The following ACSM6 variants were observed in gnomAD, a reference collection of about 807,000 sequenced individuals.
ACSM6 encodes acyl-CoA synthetase medium chain family member 6.
A neutral mutation model predicts 51.1 loss-of-function variants in ACSM6; 35 were observed. The observed-to-expected ratio is 0.69, with a 90% CI of 0.52 to 0.91. The LOEUF (loss-of-function observed/expected upper bound fraction) is 0.91, where lower values mean the gene tolerates loss of function less well. Among genes scored for constraint, ACSM6 ranks in the 40% least tolerant of loss-of-function variants. ACSM6 has a pLI of 0.00. For missense variants in ACSM6, 509 were observed against 584.1 expected, an observed-to-expected ratio of 0.87 and a Z score of 1.32; for synonymous variants, 172 against 207.3, an observed-to-expected ratio of 0.83 and a Z score of 1.46.
At chr10:95,226,867 C>A (rs1282926675) in intron 10 of ACSM6, among the ~76,000 whole-genome samples, 1 of 151,808 alleles carries the variant, frequency 6.6e-6, no homozygotes, top group African/African-American at 2.4e-5. Context: ...GTGTATATAT[C>A]CTTCATTCTT....
intron 10 of ACSM6, 193 bp from the exon 11 acceptor site, chr10:95,228,451 C>A: frequency 4.0e-6 from 2 of 494,432 alleles, no homozygotes; most frequent in Non-Finnish European, 6.8e-6. Flanking sequence ...AAAAAAAAAG[C>A]TGAAGTTAAG....
In ACSM6 at chr10:95,201,953, A is replaced by T. The variant is rs1021004272; in HGVS notation, c.193-32A>T. 7.2e-6 allele frequency: 11 copies of T among 1,532,450 alleles called. No individual in the cohort carries two copies. The Admixed American group carries it at 2.2e-4, about 30-fold the overall frequency. The allele number at this position is 1,532,450 out of a possible 1,614,324, so 94.9% of individuals were successfully genotyped here. A position where few individuals can be genotyped will look rare whatever the true frequency, so the allele number is the denominator to read the frequency against. Reference sequence around the variant, plus strand: ...CCCATAGCCAATGTCCATGCTGACTAATATTCATATTTTAAACATCACCCT... The same window carrying T: ...CCCATAGCCAATGTCCATGCTGACTTATATTCATATTTTAAACATCACCCT... On this transcript the variant is annotated intron_variant, in intron 2 of 10. Coordinates refer to ENST00000341686, the Ensembl canonical transcript of ACSM6.
rs1377115196 is a variant in ACSM6 at position 95,210,217 on chromosome 10, T to C, written c.612-433T>C. Among the ~76,000 whole-genome samples, 9 of 152,324 alleles carry C rather than the reference T, an allele frequency of 5.9e-5. No homozygotes were observed. In the East Asian group the frequency reaches 1.5e-3, roughly 26 times the overall value. On this transcript the variant is annotated intron_variant, in intron 4 of 10. Transcript: ENST00000341686. ...GGCAAATGTTTCACTCACTCCACCT[T>C]AGTCCCATCCCTGGTTAGGAATAGT...
intron 2 of ACSM6, chr10:95,201,388 A>G: frequency 2.3e-6 from 1 of 433,456 alleles, no homozygotes; most frequent in Admixed American, 2.4e-5. Flanking sequence ...ACTCCCACTT[A>G]TAAGTGAAAA....
intron 3 of ACSM6, among the ~76,000 whole-genome samples, 195 bp from the exon 4 acceptor site, chr10:95,207,013 G>A (rs2034844234): frequency 6.6e-6 from 1 of 152,182 alleles, no homozygotes; most frequent in South Asian, 2.1e-4. Flanking sequence ...CAGATCACTG[G>A]ATTGTTTCAG....
chr10:95,210,290 C>G (rs2034881599), intron 4 of ACSM6, among the ~76,000 whole-genome samples: 1 of 152,068 alleles, frequency 6.6e-6, no homozygotes, highest in Non-Finnish European at 1.5e-5. Flanking sequence ...GTTGTCAGGG[C>G]TTGGCAATGG....
intron 3 of ACSM6, among the ~76,000 whole-genome samples, chr10:95,203,638 C>T (rs1008409841): frequency 6.6e-6 from 1 of 152,072 alleles, no homozygotes; most frequent in Non-Finnish European, 1.5e-5. Flanking sequence ...AGCCCCTTCA[C>T]ATGTGAGAAG....
intron 2 of ACSM6, among the ~76,000 whole-genome samples, chr10:95,197,284 T>C (rs1389659494): frequency 6.6e-6 from 1 of 152,130 alleles, no homozygotes; most frequent in Non-Finnish European, 1.5e-5. Flanking sequence ...AGAGACAAAG[T>C]ATAGAGAAAC....
chr10:95,213,088 T>G, intron 7 of ACSM6, 148 bp downstream of exon 7: 1 of 570,156 alleles, frequency 1.8e-6, no homozygotes, highest in Non-Finnish European at 3.1e-6. Flanking sequence ...ACTCCATTAG[T>G]GTGTGTGATT....
At chr10:95,194,768 C>A in intron 2 of ACSM6, 91 bp downstream of exon 2, 1 of 1,195,748 alleles carries the variant, frequency 8.4e-7, no homozygotes, top group Non-Finnish European at 1.2e-6. Flanking sequence ...CCATCTATGG[C>A]TGGCACTAGA....
At chr10:95,202,266 G>A (rs2034802325) in intron 3 of ACSM6, 71 bp downstream of exon 3, 2 of 1,304,086 alleles carry the variant, frequency 1.5e-6, no homozygotes, top group Non-Finnish European at 2.2e-6. Flanking sequence ...TTCACAGAAT[G>A]GAGATGTTAG....
chr10:95,200,259 ACAC>A (rs1326984678), intron 2 of ACSM6, among the ~76,000 whole-genome samples: 3 of 149,718 alleles, frequency 2.0e-5, no homozygotes, highest in African/African-American at 7.4e-5. Context: ...AAAAAACCAA[ACAC>A]CACATGTTCT....
chr10:95,201,841 T>C (rs961956658), intron 2 of ACSM6, 144 bp from the exon 3 acceptor site: 2 of 665,198 alleles, frequency 3.0e-6, no homozygotes, highest in Non-Finnish European at 5.2e-6. Flanking sequence ...TCTGTGCCAG[T>C]TGAGAAACAG....
chr10:95,225,368 G>C, exon 10 of ACSM6: 3 of 1,551,110 alleles, frequency 1.9e-6, no homozygotes, highest in Non-Finnish European at 2.6e-6. Flanking sequence ...AAACCAACCT[G>C]CTTCTCTGTA....
At chr10:95,219,386 AAAAC>A (rs2133389486) in intron 8 of ACSM6, among the ~76,000 whole-genome samples, 1 of 152,308 alleles carries the variant, frequency 6.6e-6, no homozygotes, top group African/African-American at 2.4e-5. Context: ...AAGGCACTAA[AAAAC>A]AAACATATTC....
At chr10:95,200,628 A>AGAAGAC in intron 2 of ACSM6, among the ~76,000 whole-genome samples, 1 of 151,830 alleles carries the variant, frequency 6.6e-6, no homozygotes, top group South Asian at 2.1e-4. Flanking sequence ...AAGAAGAAGA[A>AGAAGAC]GACTCTAAAC....
chr10:95,220,990 C>A (rs143391177), intron 9 of ACSM6, among the ~76,000 whole-genome samples: 159 of 151,438 alleles, frequency 1.0e-3, no homozygotes, highest in Non-Finnish European at 2.1e-3. Context: ...TTTGTTTGGG[C>A]CTTTGCATTT....
At chr10:95,216,925 T>C (rs1230732344) in intron 8 of ACSM6, among the ~76,000 whole-genome samples, 1 of 152,098 alleles carries the variant, frequency 6.6e-6, no homozygotes, top group African/African-American at 2.4e-5. Context: ...AACATGAGGA[T>C]GAAAATAAGC....
chr10:95,205,291 G>A (rs756393211), intron 3 of ACSM6, among the ~76,000 whole-genome samples: 9 of 151,962 alleles, frequency 5.9e-5, no homozygotes, highest in Non-Finnish European at 1.0e-4. Context: ...ATAGCAAAAT[G>A]CTATCAACTG....
Sources: gnomAD v4.1 joint callset for allele counts (sites outside exome capture counted in the v4.1 genomes callset) on GRCh38, gnomAD v4.1.1 for gene constraint, MANE v1.5 for transcripts, NCBI Gene and HGNC (gene_info 2026-07-23, HGNC 2026-07-21) for gene names.